The following ATP10A variants were observed in gnomAD, a reference collection of about 807,000 sequenced individuals.
The protein encoded by ATP10A is ATPase phospholipid transporting 10A (putative), also known as phospholipid-transporting ATPase VA.
A neutral mutation model predicts 147.8 loss-of-function variants in ATP10A; 111 were observed. The ratio of observed to expected loss-of-function variants is 0.75; its 90% CI spans 0.64 to 0.88. The LOEUF is 0.88. Ranked by LOEUF, ATP10A falls within the 40% of genes least tolerant of loss-of-function variation. The probability of loss-of-function intolerance (pLI) is 0.00; values close to 1 mark genes in which losing one functional copy is unlikely to be tolerated. For synonymous variants in ATP10A, 875 were observed against 841.6 expected (o/e 1.04, Z -0.69); for missense variants, 1,927 against 1,959.0 (o/e 0.98, Z 0.31).
intron 3 of ATP10A, among the ~76,000 whole-genome samples, chr15:25,730,148 A>G (rs1256828405): frequency 6.6e-6 from 1 of 151,618 alleles, no homozygotes; most frequent in Non-Finnish European, 1.5e-5. Flanking sequence ...AAAAAAAAAA[A>G]AAAATAGCCA....
intron 1 of ATP10A, among the ~76,000 whole-genome samples, chr15:25,800,078 G>A (rs57181045): frequency 0.034 from 5,213 of 152,320 alleles, 220 homozygotes; most frequent in East Asian, 0.14. Context: ...GGGTGAGGCA[G>A]GAGAGGAGCT....
intron 3 of ATP10A, among the ~76,000 whole-genome samples, chr15:25,735,095 C>T (rs1887197902): frequency 6.6e-6 from 1 of 152,112 alleles, no homozygotes; most frequent in Admixed American, 6.6e-5. Context: ...AAGTCCATCC[C>T]TGCCTCCAAG....
intron 1 of ATP10A, among the ~76,000 whole-genome samples, chr15:25,787,898 G>C (rs1596887280): frequency 6.6e-6 from 1 of 152,094 alleles, no homozygotes; most frequent in East Asian, 1.9e-4. Flanking sequence ...CCTGCAGTTG[G>C]GACCATCTGA....
chr15:25,770,859 T>C (rs549454479), intron 2 of ATP10A, among the ~76,000 whole-genome samples: 6 of 152,268 alleles, frequency 3.9e-5, no homozygotes, highest in South Asian at 2.1e-4. Context: ...AGCTAGGACA[T>C]CTGGGCGTGG....
chr15:25,783,550 C>T (rs551364958), intron 1 of ATP10A, among the ~76,000 whole-genome samples: 1 of 152,090 alleles, frequency 6.6e-6, no homozygotes, highest in Non-Finnish European at 1.5e-5. Context: ...GAGGAGTGTC[C>T]CCTGCCATTT....
intron 2 of ATP10A, among the ~76,000 whole-genome samples, chr15:25,778,189 C>T (rs1889715037): frequency 6.6e-6 from 1 of 152,254 alleles, no homozygotes; most frequent in East Asian, 1.9e-4. Context: ...TGCAAAGGGG[C>T]TCCCACTTCC....
chr15:25,797,230 T>C (rs1890713663), intron 1 of ATP10A, among the ~76,000 whole-genome samples: 1 of 152,222 alleles, frequency 6.6e-6, no homozygotes. Context: ...TGTCTCTGTG[T>C]GGCTGGCTTA....
chr15:25,795,120 T>G (rs12910743), intron 1 of ATP10A, among the ~76,000 whole-genome samples: 1 of 151,970 alleles, frequency 6.6e-6, no homozygotes, highest in African/African-American at 2.4e-5. Flanking sequence ...TTTGGGAAAA[T>G]TGTGTAGGTT....
At chr15:25,718,768 G>T (rs1288103074) in intron 7 of ATP10A, among the ~76,000 whole-genome samples, 1 of 152,144 alleles carries the variant, frequency 6.6e-6, no homozygotes, top group Non-Finnish European at 1.5e-5. Context: ...ACAGAGGGTG[G>T]CAGGCCTTCC....
At chr15:25,844,064 C>A (rs1480467322) in intron 1 of ATP10A, among the ~76,000 whole-genome samples, 1 of 152,110 alleles carries the variant, frequency 6.6e-6, no homozygotes, top group African/African-American at 2.4e-5. Flanking sequence ...TACTGTCACC[C>A]CAAGAACATG....
intron 1 of ATP10A, among the ~76,000 whole-genome samples, chr15:25,844,280 C>T (rs1892926780): frequency 6.6e-6 from 1 of 152,158 alleles, no homozygotes; most frequent in Admixed American, 6.5e-5. Flanking sequence ...GTGCGTTTCT[C>T]TCCACGGCAC....
intron 2 of ATP10A, among the ~76,000 whole-genome samples, chr15:25,769,588 G>A (rs1406935242): frequency 6.6e-6 from 1 of 151,480 alleles, no homozygotes; most frequent in African/African-American, 2.4e-5. Context: ...CATCCTACCC[G>A]GGTGCCTCAG....
intron 1 of ATP10A, among the ~76,000 whole-genome samples, chr15:25,847,403 G>T (rs916267777): frequency 6.6e-6 from 1 of 152,042 alleles, no homozygotes; most frequent in Admixed American, 6.5e-5. Flanking sequence ...GCTAAGAATG[G>T]TACCATACAA....
intron 12 of ATP10A, among the ~76,000 whole-genome samples, chr15:25,702,448 C>A (rs1027732843): frequency 6.6e-6 from 1 of 152,180 alleles, no homozygotes; most frequent in Non-Finnish European, 1.5e-5. Context: ...GAAGGCAAAG[C>A]GTATGGGAAG....
chr15:25,732,476 A>C, intron 3 of ATP10A, among the ~76,000 whole-genome samples: 1 of 149,394 alleles, frequency 6.7e-6, no homozygotes, highest in African/African-American at 2.5e-5. Context: ...ATCTCATTCC[A>C]CACCCCCAAA....
At position 25,713,120 on chromosome 15, in the gene ATP10A, C is replaced by A. The variant is rs373378105; in HGVS notation, c.2344+554G>T. 3.0e-3 allele frequency among the ~76,000 whole-genome samples: 460 copies of A among 152,366 alleles called. 3 individuals carry two copies. Among genetic ancestry groups the A allele is most frequent in the African/African-American group, 0.011 (441 of 41,596 alleles). ...CTCCTGCAGCATCCTCACCTCCACC[C>A]AGTTCAGTTCCCTGGAGGTGAGGCT... On this transcript the variant is annotated intron_variant, in intron 10 of 20. Coordinates refer to ENST00000555815, the MANE Select transcript of ATP10A (RefSeq NM_024490.4).
At chr15:25,816,545 G>A (rs746414681) in intron 1 of ATP10A, among the ~76,000 whole-genome samples, 15 of 152,146 alleles carry the variant, frequency 9.9e-5, no homozygotes, top group Non-Finnish European at 2.1e-4. Flanking sequence ...GCAATTTTTA[G>A]AGAGCTTTTT....
chr15:25,780,953 A>G, intron 2 of ATP10A, 66 bp downstream of exon 2: 1 of 1,513,080 alleles, frequency 6.6e-7, no homozygotes, highest in Non-Finnish European at 9.1e-7. Context: ...TGAGCCCCAG[A>G]AGGCTGTCAT....
intron 1 of ATP10A, among the ~76,000 whole-genome samples, chr15:25,850,043 T>A (rs912949622): frequency 6.6e-6 from 1 of 152,176 alleles, no homozygotes; most frequent in South Asian, 2.1e-4. Flanking sequence ...AAGACATACA[T>A]AACTAAATAT....
Sources: gnomAD v4.1 joint callset for allele counts (sites outside exome capture counted in the v4.1 genomes callset) on GRCh38, gnomAD v4.1.1 for gene constraint, MANE v1.5 for transcripts, NCBI Gene and HGNC (gene_info 2026-07-23, HGNC 2026-07-21) for gene names.